Variants in GTF3C2 observed in about 807,000 individuals in gnomAD.
GTF3C2 encodes general transcription factor IIIC subunit 2, also known as general transcription factor 3C polypeptide 2.
In GTF3C2, 17 loss-of-function variants were observed where a neutral mutation model predicts 117.4. The observed-to-expected ratio is 0.14, with a 90% confidence interval of 0.10 to 0.22. The LOEUF (loss-of-function observed/expected upper bound fraction) is 0.22, where lower values mean the gene tolerates loss of function less well. Ranked by LOEUF, GTF3C2 falls within the 10% of genes least tolerant of loss-of-function variation. The pLI is 1.00. For missense variants in GTF3C2, 888 were observed against 1,143.6 expected, an observed-to-expected ratio of 0.78 and a Z score of 3.22; for synonymous variants, 437 against 427.0, an observed-to-expected ratio of 1.02 and a Z score of -0.29.
chr2:27,328,512 C>A, exon 16 of GTF3C2: 1 of 1,612,864 alleles, frequency 6.2e-7, no homozygotes, highest in Non-Finnish European at 8.5e-7. Flanking sequence ...GGATTCAGTG[C>A]CATATCTGGT....
rs80272638 is a variant in GTF3C2, at chr2:27,354,238, A to C, written c.-25+2501T>G. 7.9e-3 allele frequency among the ~76,000 whole-genome samples: 1,207 copies of C among 152,092 alleles called. 17 individuals carry two copies. The highest frequency in any genetic ancestry group is 0.028 in the African/African-American group (1,152 of 41,454). ...TTCAAGGTTACAGTGAGCTGTGATC[A>C]TGCCACTCGACTCCAGCCTGGGTGA... On this transcript the variant is annotated intron_variant, in intron 1 of 18. Coordinates refer to ENST00000264720, the Ensembl canonical transcript of GTF3C2.
At chr2:27,350,973 G>C (rs1233115635) in intron 1 of GTF3C2, among the ~76,000 whole-genome samples, 1 of 149,988 alleles carries the variant, frequency 6.7e-6, no homozygotes, top group Non-Finnish European at 1.5e-5. Context: ...AAAATTAGCT[G>C]AGTGTAGTGG....
intron 1 of GTF3C2, chr2:27,355,997 G>A (rs1246452392): frequency 4.0e-6 from 3 of 744,692 alleles, no homozygotes; most frequent in East Asian, 6.4e-5. Context: ...GAAAACAATA[G>A]TACAATTGAT....
chr2:27,338,949 CA>C, intron 4 of GTF3C2, among the ~76,000 whole-genome samples: 1 of 152,180 alleles, frequency 6.6e-6, no homozygotes, highest in Non-Finnish European at 1.5e-5. Flanking sequence ...AGTACAAATG[CA>C]TACCACCAAA....
At chr2:27,331,078 G>A (rs1022353447) in intron 12 of GTF3C2, among the ~76,000 whole-genome samples, 2 of 152,174 alleles carry the variant, frequency 1.3e-5, no homozygotes, top group African/African-American at 4.8e-5. Context: ...GTTTGTTGAC[G>A]ATGAATTATA....
At chr2:27,340,143 C>T (rs150266219) in intron 4 of GTF3C2, 1 of 152,204 alleles carries the variant, frequency 6.6e-6, no homozygotes, top group African/African-American at 2.4e-5. Flanking sequence ...CTTCCTCCCT[C>T]CCTTCAATTC....
chr2:27,335,829 C>CCTT, intron 9 of GTF3C2, 88 bp downstream of exon 9: 1 of 1,085,036 alleles, frequency 9.2e-7, no homozygotes, highest in South Asian at 1.3e-5. Flanking sequence ...TACACTCCAA[C>CCTT]CTTCGTTCCT....
Position 27,329,255 on chromosome 2 carries a change from G to T in GTF3C2, c.1905C>A (p.Asp635Glu). The stretch of plus-strand genomic sequence containing the variant: ...GAAGGTCCCAGAATTTGATTTTCCG[G>T]TCACTCCCCGCAGAGACAAGGAAAT... Residue 635 changes from aspartate (D) to glutamate (E), a missense_variant, in exon 14 of 19, where the codon GAC becomes GAA. This residue lies in a region of GTF3C2 where 277 missense variants were observed against 445.4 expected (regional missense o/e 0.62). Transcript: ENST00000264720. The surrounding 1 kb of genome is among the most constrained non-coding windows in gnomAD (Gnocchi z 4.5). 6.2e-7 allele frequency: 1 copy of T among 1,614,176 alleles called. No homozygotes were observed. Among genetic ancestry groups the T allele is most frequent in the Non-Finnish European group, 8.5e-7 (1 of 1,180,022 alleles).
chr2:27,348,981 C>A (rs112796438), intron 1 of GTF3C2, among the ~76,000 whole-genome samples: 58,423 of 150,928 alleles, frequency 0.39, 11,634 homozygotes, highest in Admixed American at 0.44. Context: ...GGATTACAGG[C>A]GGCCGCCACC....
exon 17 of GTF3C2, chr2:27,328,093 G>C (rs772372430): frequency 1.2e-6 from 2 of 1,611,990 alleles, no homozygotes; most frequent in African/African-American, 1.3e-5. Context: ...GTGTAAGTTC[G>C]AGCCTTAGGA....
At chr2:27,339,365 T>C (rs976915237) in intron 4 of GTF3C2, among the ~76,000 whole-genome samples, 10 of 138,820 alleles carry the variant, frequency 7.2e-5, no homozygotes, top group African/African-American at 2.5e-4. Flanking sequence ...GCTGAGATCA[T>C]GCCATTGCAC....
chr2:27,342,670 G>A (rs989184679), intron 3 of GTF3C2, 156 bp downstream of exon 3: 9 of 622,104 alleles, frequency 1.4e-5, no homozygotes, highest in Admixed American at 2.9e-5. Flanking sequence ...CATTAATAGT[G>A]CTGCGGTAAG....
Position 27,327,154 on chromosome 2 carries a change from G to A in GTF3C2, c.2517+23C>T, listed in dbSNP as rs377526579. ...AGAACTGGGGGGAAATGAGAGTGGAGGGTGGAGAGGATGAGAGACTACCTT... is the reference window on the plus strand; with the variant it reads ...AGAACTGGGGGGAAATGAGAGTGGAAGGTGGAGAGGATGAGAGACTACCTT... On this transcript the variant is annotated intron_variant, in intron 18 of 18. Coordinates refer to ENST00000264720, the Ensembl canonical transcript of GTF3C2. 5.1e-5 allele frequency: 63 copies of A among 1,241,522 alleles called. No homozygotes were observed. In the African/African-American group the frequency reaches 7.7e-4, roughly 15 times the overall value. The allele number at this position is 1,241,522 out of a possible 1,614,324, so 76.9% of individuals were successfully genotyped here. A position where few individuals can be genotyped will look rare whatever the true frequency, so the allele number is the denominator to read the frequency against.
At chr2:27,348,959 C>G (rs1681019800) in intron 1 of GTF3C2, among the ~76,000 whole-genome samples, 1 of 151,878 alleles carries the variant, frequency 6.6e-6, no homozygotes, top group Non-Finnish European at 1.5e-5. Context: ...GCCTTAGCCT[C>G]CCCAGTAGCT....
At chr2:27,328,276 A>G in intron 16 of GTF3C2, 87 bp from the exon 17 acceptor site, 1 of 1,159,500 alleles carries the variant, frequency 8.6e-7, no homozygotes, top group Non-Finnish European at 1.2e-6. Flanking sequence ...AAAGGCTTAA[A>G]GATGGAAAAA....
chr2:27,347,090 G>C (rs1347651986), intron 1 of GTF3C2, among the ~76,000 whole-genome samples: 2 of 152,118 alleles, frequency 1.3e-5, no homozygotes, highest in African/African-American at 2.4e-5. Context: ...ATGGGCCAAA[G>C]TAAACTAAGA....
chr2:27,334,007 G>A lies in GTF3C2; in HGVS notation c.1577-8C>T. The stretch of plus-strand genomic sequence containing the variant: ...TGGCAGGCTTCACTGCATCTGTGAG[G>A]AAAAAGAGCAGGAACTAACTCTATG... On this transcript the variant is annotated splice_polypyrimidine_tract_variant and splice_region_variant and intron_variant, in intron 10 of 18. Coordinates refer to ENST00000264720, the Ensembl canonical transcript of GTF3C2. 6.2e-7 allele frequency: 1 copy of A among 1,606,766 alleles called. No homozygotes were observed. Among genetic ancestry groups the A allele is most frequent in the South Asian group, 1.1e-5 (1 of 90,834 alleles).
chr2:27,328,958 C>T, intron 14 of GTF3C2, 27 bp from the exon 15 acceptor site: 3 of 1,522,810 alleles, frequency 2.0e-6, no homozygotes, highest in Non-Finnish European at 2.7e-6. Flanking sequence ...AAATTTAAAC[C>T]TTCCTTTTCT....
chr2:27,343,632 CAG>C (rs1680822434), intron 1 of GTF3C2, 54 bp from the exon 2 acceptor site: 1 of 1,433,390 alleles, frequency 7.0e-7, no homozygotes. Context: ...TGTACTAGCT[CAG>C]ATTTTTATTT....
Sources: allele counts gnomAD v4.1 joint callset (sites outside exome capture counted in the v4.1 genomes callset), GRCh38; gene constraint gnomAD v4.1.1; regional missense constraint gnomAD v4.1.1; non-coding constraint Gnocchi (gnomAD v3.1); transcripts MANE v1.5; gene names NCBI Gene and HGNC (gene_info 2026-07-23, HGNC 2026-07-21).